The following MICAL3 variants were observed in gnomAD, a reference collection of about 807,000 sequenced individuals.
MICAL3 encodes the protein microtubule associated monooxygenase, calponin and LIM domain containing 3, also known as [F-actin]-monooxygenase MICAL3.
Under a neutral mutation model 207.4 loss-of-function variants are expected in MICAL3, and 62 were observed. The observed-to-expected ratio is 0.30, with a 90% CI of 0.24 to 0.37. The LOEUF is 0.37. MICAL3 is among the 10% of genes least tolerant of loss of function. The pLI, the probability that MICAL3 is intolerant of heterozygous loss-of-function variation, is 1.00. For synonymous variants in MICAL3, 1,077 were observed against 1,069.3 expected, an observed-to-expected ratio of 1.01 and a Z score of -0.14; for missense variants, 2,368 against 2,635.6, an observed-to-expected ratio of 0.90 and a Z score of 2.22.
chr22:17,916,095 AAAAACAAAAAC>A (rs1207003338), intron 1 of MICAL3, among the ~76,000 whole-genome samples: 4 of 151,764 alleles, frequency 2.6e-5, no homozygotes, highest in East Asian at 1.9e-4. Flanking sequence ...AAAAGCAACA[AAAAACAAAAAC>A]CAAAAAACGA....
intron 19 of MICAL3, among the ~76,000 whole-genome samples, chr22:17,846,135 G>A (rs1316297923): frequency 2.0e-5 from 3 of 152,232 alleles, no homozygotes; most frequent in Admixed American, 6.5e-5. Flanking sequence ...GCTGGGGACG[G>A]TGGAAAAGGG....
At chr22:17,880,173 C>T (rs986233610) in intron 16 of MICAL3, among the ~76,000 whole-genome samples, 2 of 152,208 alleles carry the variant, frequency 1.3e-5, no homozygotes, top group Non-Finnish European at 2.9e-5. Flanking sequence ...GAGGCCAGAG[C>T]GTAGCCCCGG....
In MICAL3 at chr22:17,789,974, G is replaced by A. The variant is rs1456189383; in HGVS notation, c.*758C>T. On this transcript the variant is annotated 3_prime_UTR_variant, in exon 32 of 32. Coordinates refer to ENST00000441493, the MANE Select transcript of MICAL3 (RefSeq NM_015241.3). Reference sequence around the variant, plus strand: ...CAGGGACAATGCCTGTCTGCCAACTGGGGGCTTAGAATGTAGGGCCTCATC... The same window carrying A: ...CAGGGACAATGCCTGTCTGCCAACTAGGGGCTTAGAATGTAGGGCCTCATC... The A allele has an allele frequency of 6.6e-6, 1 of 152,172 alleles. No homozygotes were observed. The highest frequency in any genetic ancestry group is 2.4e-5 in the African/African-American group (1 of 41,426). The allele number at this position is 152,172 out of a possible 1,614,324, so 9.4% of individuals were successfully genotyped here.
intron 1 of MICAL3, among the ~76,000 whole-genome samples, chr22:17,976,581 ATATATATATT>A (rs1935658447): frequency 1.1e-5 from 1 of 90,516 alleles, no homozygotes; most frequent in African/African-American, 5.5e-5. Flanking sequence ...ATATATATAT[ATATATATATT>A]TTTTTTTTTT....
intron 1 of MICAL3, among the ~76,000 whole-genome samples, chr22:17,950,476 A>C (rs1391168304): frequency 1.3e-5 from 2 of 150,848 alleles, no homozygotes; most frequent in Non-Finnish European, 2.9e-5. Context: ...AGTAGCTGGG[A>C]CTACAGGTGC....
At chr22:17,861,032 C>T (rs1191497876) in intron 19 of MICAL3, 15 of 985,252 alleles carry the variant, frequency 1.5e-5, no homozygotes, top group East Asian at 1.1e-4. Flanking sequence ...CACACATCAC[C>T]GTCAGCTATG....
chr22:17,816,265 C>T (rs1008545019), intron 27 of MICAL3, among the ~76,000 whole-genome samples: 33 of 152,216 alleles, frequency 2.2e-4, no homozygotes, highest in African/African-American at 6.3e-4. Flanking sequence ...ACCCACCAAA[C>T]GGGCAGGACC....
At chr22:17,794,254 A>G (rs545076815) in intron 29 of MICAL3, among the ~76,000 whole-genome samples, 1 of 152,350 alleles carries the variant, frequency 6.6e-6, no homozygotes, top group South Asian at 2.1e-4. Flanking sequence ...CCCCCTCCTC[A>G]AAGCCCCTGG....
At chr22:17,901,449 G>A (rs1569125160) in intron 5 of MICAL3, among the ~76,000 whole-genome samples, 1 of 152,056 alleles carries the variant, frequency 6.6e-6, no homozygotes, top group East Asian at 1.9e-4. Context: ...CGAGCAGAGT[G>A]CTTGAGCCAA....
In MICAL3 at chr22:17,976,583, A is replaced by ATTT. The variant is rs1214780677; in HGVS notation, c.-75+47697_-75+47698insAAA. On this transcript the variant is annotated intron_variant, in intron 1 of 31. Transcript: ENST00000441493. ...TGTGTATATATATATATATATATAT[A>ATTT]TATATATTTTTTTTTTTTTTTTTTG... Among the ~76,000 whole-genome samples, 144 of 87,648 alleles carry ATTT rather than the reference A, an allele frequency of 1.6e-3. 1 individual carries two copies. The highest frequency in any genetic ancestry group is 6.0e-3 in the African/African-American group (108 of 18,084). 57.5% of individuals were successfully genotyped at this position (87,648 alleles called of 152,430 possible). A position where few individuals can be genotyped will look rare whatever the true frequency, so the allele number is the denominator to read the frequency against.
intron 1 of MICAL3, among the ~76,000 whole-genome samples, chr22:17,910,365 A>G (rs1932040719): frequency 6.6e-6 from 1 of 152,170 alleles, no homozygotes; most frequent in African/African-American, 2.4e-5. Flanking sequence ...GCCACAAAGA[A>G]TTTCCAAATC....
In MICAL3 at chr22:17,872,821, A is replaced by G. The variant is rs200184189; in HGVS notation, c.2242-798T>C. On this transcript the variant is annotated intron_variant, in intron 16 of 31. Coordinates refer to ENST00000441493, the MANE Select transcript of MICAL3 (RefSeq NM_015241.3). ...TGATTGGCTATCTGCTCAGCCAATG[A>G]GCTCACTCCGCCCGTGTACATCTTT... 1.1e-3 allele frequency: 1,821 copies of G among 1,613,262 alleles called. 2 individuals are homozygous for G. Among genetic ancestry groups the G allele is most frequent in the Non-Finnish European group, 1.5e-3 (1,730 of 1,179,224 alleles).
chr22:17,958,997 C>G (rs1158487865), intron 1 of MICAL3, among the ~76,000 whole-genome samples: 59 of 143,748 alleles, frequency 4.1e-4, no homozygotes, highest in Admixed American at 3.8e-3. Flanking sequence ...TAAGCCACTG[C>G]GCCGGGCCTG....
At chr22:17,893,665 G>A (rs1326975698) in intron 11 of MICAL3, 143 bp downstream of exon 11, 7 of 637,892 alleles carry the variant, frequency 1.1e-5, no homozygotes, top group African/African-American at 1.8e-5. Context: ...TCCCCTGGAG[G>A]GCAAAATCAC....
intron 16 of MICAL3, among the ~76,000 whole-genome samples, chr22:17,877,816 C>G (rs1393909626): frequency 2.0e-5 from 3 of 152,130 alleles, no homozygotes; most frequent in African/African-American, 7.2e-5. Context: ...CACTGCCAAT[C>G]TCTCCTATTC....
At chr22:17,792,732 T>G (rs2061836920) in intron 29 of MICAL3, among the ~76,000 whole-genome samples, 1 of 152,244 alleles carries the variant, frequency 6.6e-6, no homozygotes, top group African/African-American at 2.4e-5. Flanking sequence ...CATGCGGTTC[T>G]GCTCCCAAGG....
At chr22:17,996,074 G>C (rs1394176192) in intron 1 of MICAL3, among the ~76,000 whole-genome samples, 1 of 145,670 alleles carries the variant, frequency 6.9e-6, no homozygotes, top group Non-Finnish European at 1.5e-5. Context: ...AGGTTGCAGT[G>C]AACCATGATC....
intron 1 of MICAL3, among the ~76,000 whole-genome samples, chr22:17,938,829 G>C (rs1458638696): frequency 6.6e-6 from 1 of 152,152 alleles, no homozygotes; most frequent in Non-Finnish European, 1.5e-5. Context: ...ACGTGGTGAA[G>C]GTGAAGCACA....
Position 17,789,480 on chromosome 22 carries a change from GC to G in MICAL3, c.*1251del, listed in dbSNP as rs910916567. ...CTGGGAGGGTGAGAGTGGCAGCTCT[GC>G]TGTTGGCCTGGCCCAAAACAGAACG... On this transcript the variant is annotated 3_prime_UTR_variant, in exon 32 of 32. Coordinates refer to ENST00000441493, the MANE Select transcript of MICAL3 (RefSeq NM_015241.3). 14 of 152,248 alleles carry G rather than the reference GC, an allele frequency of 9.2e-5. No homozygotes were observed. The highest frequency in any genetic ancestry group is 3.4e-4 in the African/African-American group (14 of 41,460). The allele number at this position is 152,248 out of a possible 1,614,324, so 9.4% of individuals were successfully genotyped here.
Sources: allele counts gnomAD v4.1 joint callset (sites outside exome capture counted in the v4.1 genomes callset), GRCh38; gene constraint gnomAD v4.1.1; transcripts MANE v1.5; gene names NCBI Gene and HGNC (gene_info 2026-07-23, HGNC 2026-07-21).